The following ATP6AP1 variants were observed in gnomAD, a reference collection of about 807,000 sequenced individuals.
The protein encoded by ATP6AP1 is ATPase H+ transporting accessory protein 1, also known as V-type proton ATPase subunit S1.
ATP6AP1 carries 1 observed loss-of-function variant against 32.0 expected under a neutral mutation model. The ratio of observed to expected loss-of-function variants is 0.03; its 90% CI spans 0.01 to 0.15. The LOEUF (loss-of-function observed/expected upper bound fraction) is 0.15. Ranked by LOEUF, ATP6AP1 falls within the 10% of genes least tolerant of loss-of-function variation. The probability of loss-of-function intolerance (pLI) is 1.00; values close to 1 mark genes in which losing one functional copy is unlikely to be tolerated. For synonymous variants in ATP6AP1, 187 were observed against 174.9 expected (o/e 1.07, Z -0.55); for missense variants, 297 against 398.8 (o/e 0.74, Z 2.17).
intron 2 of ATP6AP1, chrX:154,431,508 T>G: frequency 5.3e-6 from 1 of 187,141 alleles, no homozygotes; most frequent in East Asian, 1.2e-4. Flanking sequence ...AGCTTCCCTG[T>G]TCCCTCCCCA....
chrX:154,434,425 T>A lies in ATP6AP1; in HGVS notation c.902T>A (p.Phe301Tyr). 2.5e-6 allele frequency: 3 copies of A among 1,211,236 alleles called. No individual in the cohort carries two copies. Among genetic ancestry groups the A allele is most frequent in the Non-Finnish European group, 3.4e-6 (3 of 894,963 alleles). The part of the protein sequence containing the change: ...GVQELNLTGS[F>Y]WNDSFARLSL... ...CAGGAACTCAACCTGACTGGCTCCTTCTGGAATGACTCCTTTGCCAGGCAA... is the reference window on the plus strand; with the variant it reads ...CAGGAACTCAACCTGACTGGCTCCTACTGGAATGACTCCTTTGCCAGGCAA... The change falls in exon 7 of 10, where the codon TTC becomes TAC. Residue 301 changes from phenylalanine to tyrosine, a missense_variant. Phe to Tyr is a conservative substitution (Grantham distance 22). Around this residue, in one of 2 missense-constraint regions of ATP6AP1, gnomAD observed 155 missense variants for 253.8 expected, o/e 0.61. Coordinates refer to ENST00000369762, the MANE Select transcript of ATP6AP1 (RefSeq NM_001183.6).
At chrX:154,432,493 G>A (rs2068699484) in intron 4 of ATP6AP1, 34 bp downstream of exon 4, 1 of 1,142,051 alleles carries the variant, frequency 8.8e-7, no homozygotes, top group Admixed American at 2.7e-5. Flanking sequence ...CCAGCCTCGG[G>A]GCCCAGAGAG....
At chrX:154,433,321 C>T (rs1807579547) in intron 5 of ATP6AP1, among the ~76,000 whole-genome samples, 2 of 112,654 alleles carry the variant, frequency 1.8e-5, no homozygotes, top group South Asian at 3.6e-4. Context: ...CAATAAAGGA[C>T]AGTCACTCCC....
intron 4 of ATP6AP1, 127 bp from the exon 5 acceptor site, chrX:154,432,804 T>C: frequency 1.2e-6 from 1 of 818,566 alleles, no homozygotes; most frequent in African/African-American, 2.0e-5. Flanking sequence ...GAGGGGGCAC[T>C]GAGGTAAGAG....
intron 1 of ATP6AP1, 52 bp downstream of exon 1, chrX:154,428,905 A>C (rs2068679270): frequency 3.7e-6 from 4 of 1,087,423 alleles, no homozygotes; most frequent in Non-Finnish European, 3.6e-6. Flanking sequence ...CCCTCGCCCG[A>C]CTCCGGCGCT....
Position 154,429,031 on chromosome X carries a change from C to T in ATP6AP1, c.162-17C>T. 1 of 1,210,325 alleles carries T rather than the reference C, an allele frequency of 8.3e-7. No individual in the cohort carries two copies. The highest frequency in any genetic ancestry group is 1.1e-6 in the Non-Finnish European group (1 of 894,626). ...CATGCGCCCCCGTCTGACAGCACCTCTTCTGTGCCCTGCCAGGGACTTGTG... is the reference window on the plus strand; with the variant it reads ...CATGCGCCCCCGTCTGACAGCACCTTTTCTGTGCCCTGCCAGGGACTTGTG... On this transcript the variant is annotated splice_polypyrimidine_tract_variant and intron_variant, in intron 1 of 9. Coordinates refer to ENST00000369762, the MANE Select transcript of ATP6AP1 (RefSeq NM_001183.6).
chrX:154,435,661 C>A lies in ATP6AP1; in HGVS notation c.1204-21C>A, dbSNP rs1557197557. ...GGGCCTCCCAACGGTCCTTTCTGAC[C>A]CGTGTCTGTGTGTCTGCCAGATCCA... On this transcript the variant is annotated intron_variant, in intron 9 of 9. Transcript: ENST00000369762. The A allele has an allele frequency of 2.5e-6, 3 of 1,209,081 alleles. No individual in the cohort carries two copies. The Admixed American group carries it at 6.5e-5, about 26-fold the overall frequency.
At chrX:154,430,831 G>A (rs782164484) in intron 2 of ATP6AP1, 2 of 111,192 alleles carry the variant, frequency 1.8e-5, no homozygotes, top group African/African-American at 3.3e-5. Flanking sequence ...AGGGTCCTGG[G>A]CGAGGTGTGC....
At chrX:154,430,079 A>C (rs2068685570) in intron 2 of ATP6AP1, 1 of 110,593 alleles carries the variant, frequency 9.0e-6, no homozygotes, top group Admixed American at 9.6e-5. Flanking sequence ...GACACCACCT[A>C]TATCAGAGGG....
At chrX:154,429,221 A>G (rs782352278) in intron 2 of ATP6AP1, 47 bp downstream of exon 2, 23 of 1,189,729 alleles carry the variant, frequency 1.9e-5, no homozygotes, top group Non-Finnish European at 2.4e-5. Flanking sequence ...GGAGGCAGCC[A>G]GGCCCCCTCC....
chrX:154,429,571 G>T (rs1231174486), intron 2 of ATP6AP1: 2 of 133,540 alleles, frequency 1.5e-5, no homozygotes, highest in African/African-American at 6.3e-5. Context: ...TAGCTGTGAT[G>T]ATCATAATAA....
intron 6 of ATP6AP1, 68 bp downstream of exon 6, chrX:154,433,788 G>A: frequency 9.1e-7 from 1 of 1,101,112 alleles, no homozygotes; most frequent in Non-Finnish European, 1.2e-6. Context: ...CTGCTTGGAG[G>A]TGGGGAGTGT....
chrX:154,429,407 C>T (rs1432928472), intron 2 of ATP6AP1: 2 of 402,473 alleles, frequency 5.0e-6, no homozygotes, highest in Non-Finnish European at 8.9e-6. Context: ...AGGCCAGGTA[C>T]CTACTGAGTA....
chrX:154,436,375 G>T lies in ATP6AP1; in HGVS notation c.*484G>T. 8.4e-6 allele frequency: 1 copy of T among 118,765 alleles called. No individual in the cohort carries two copies. 9.8% of individuals were successfully genotyped at this position (118,765 alleles called of 1,213,427 possible). A position where few individuals can be genotyped will look rare whatever the true frequency, so the allele number is the denominator to read the frequency against. The stretch of plus-strand genomic sequence containing the variant: ...AGAAGTACACGGGTTTATTTCTGTG[G>T]CCTGAGAAGGAAGGGACCTCCACGA... On this transcript the variant is annotated 3_prime_UTR_variant, in exon 10 of 10. Transcript: ENST00000369762.
In ATP6AP1 at chrX:154,428,711, A is replaced by G; in HGVS notation, c.19A>G (p.Thr7Ala). 8.7e-7 allele frequency: 1 copy of G among 1,150,112 alleles called. No individual in the cohort carries two copies. The highest frequency in any genetic ancestry group is 1.2e-6 in the Non-Finnish European group (1 of 868,675). The allele number at this position is 1,150,112 out of a possible 1,213,427, so 94.8% of individuals were successfully genotyped here. A position where few individuals can be genotyped will look rare whatever the true frequency, so the allele number is the denominator to read the frequency against. ...TGAGGCTATGATGGCGGCCATGGCG[A>G]CGGCTCGAGTGCGGATGGGGCCGCG... is the stretch of plus-strand genomic sequence containing the variant. MMAAMA[T>A]ARVRMGPRCA... The change falls in exon 1 of 10, where the codon ACG becomes GCG. Residue 7 changes from threonine to alanine, a missense_variant. Transcript: ENST00000369762.
At chrX:154,433,138 G>A (rs1023122763) in intron 5 of ATP6AP1, among the ~76,000 whole-genome samples, 167 bp downstream of exon 5, 1 of 111,720 alleles carries the variant, frequency 9.0e-6, no homozygotes, top group Non-Finnish European at 1.9e-5. Context: ...GACCAGCCAG[G>A]GACCACCTGA....
chrX:154,429,745 C>T (rs2148222219), intron 2 of ATP6AP1: 1 of 112,648 alleles, frequency 8.9e-6, no homozygotes, highest in African/African-American at 3.2e-5. Context: ...TGCCAATCCT[C>T]CCTCCCAATT....
At chrX:154,432,859 G>A (rs1557197058) in intron 4 of ATP6AP1, 72 bp from the exon 5 acceptor site, 1 of 1,143,946 alleles carries the variant, frequency 8.7e-7, no homozygotes, top group Non-Finnish European at 1.2e-6. Flanking sequence ...AGAAGCTGGG[G>A]TCGGGGAAGG....
chrX:154,429,403 G>A, intron 2 of ATP6AP1: 1 of 409,417 alleles, frequency 2.4e-6, no homozygotes, highest in Non-Finnish European at 4.3e-6. Flanking sequence ...CCAGAGGCCA[G>A]GTACCTACTG....
Sources: allele counts gnomAD v4.1 joint callset (sites outside exome capture counted in the v4.1 genomes callset), GRCh38; gene constraint gnomAD v4.1.1; regional missense constraint gnomAD v4.1.1; transcripts MANE v1.5; gene names NCBI Gene and HGNC (gene_info 2026-07-23, HGNC 2026-07-21).